Variants in ABLIM1 observed in about 807,000 individuals in gnomAD.
The protein encoded by ABLIM1 is actin-binding LIM protein 1.
Under a neutral mutation model 107.0 loss-of-function variants are expected in ABLIM1, and 40 were observed. That is an observed-to-expected ratio of 0.37 (90% CI 0.29 to 0.49). The LOEUF is 0.49. Ranked by LOEUF, ABLIM1 falls within the 20% of genes least tolerant of loss-of-function variation. The pLI is 0.97. For synonymous variants in ABLIM1, 357 were observed against 357.3 expected (o/e 1.00, Z 0.01); for missense variants, 857 against 1,008.5 (o/e 0.85, Z 2.04).
At chr10:114,676,991 C>T (rs1351473466) in intron 1 of ABLIM1, among the ~76,000 whole-genome samples, 1 of 152,158 alleles carries the variant, frequency 6.6e-6, no homozygotes, top group Admixed American at 6.5e-5. Context: ...CCTGCCTTGG[C>T]CTCCCAAAGT....
chr10:114,481,378 T>C (rs925229091), intron 8 of ABLIM1, among the ~76,000 whole-genome samples: 1 of 150,678 alleles, frequency 6.6e-6, no homozygotes, highest in Non-Finnish European at 1.5e-5. Context: ...ACTACAGGCA[T>C]CTGGCAACTA....
At chr10:114,617,256 CTTTT>C (rs780987027) in intron 1 of ABLIM1, among the ~76,000 whole-genome samples, 1 of 120,464 alleles carries the variant, frequency 8.3e-6, no homozygotes. Flanking sequence ...TCACTACCTA[CTTTT>C]TTTTTTTTTT....
upstream of ABLIM1, among the ~76,000 whole-genome samples, chr10:114,687,883 G>A (rs568144107): frequency 1.3e-5 from 2 of 152,270 alleles, no homozygotes; most frequent in East Asian, 3.9e-4. Context: ...TATCTAGAAA[G>A]GCACAGGAAA....
chr10:114,573,968 TATTAA>T (rs1390542302), intron 3 of ABLIM1, among the ~76,000 whole-genome samples: 1 of 152,224 alleles, frequency 6.6e-6, no homozygotes, highest in Non-Finnish European at 1.5e-5. Context: ...CATCCAGAAT[TATTAA>T]ATTATGATTT....
At chr10:114,633,545 G>A (rs1047521491) in intron 1 of ABLIM1, among the ~76,000 whole-genome samples, 1 of 151,962 alleles carries the variant, frequency 6.6e-6, no homozygotes, top group Non-Finnish European at 1.5e-5. Context: ...ACCACTCCCC[G>A]CACCCATGGC....
At chr10:114,653,416 C>T (rs4606401) in intron 1 of ABLIM1, among the ~76,000 whole-genome samples, 48,100 of 151,888 alleles carry the variant, frequency 0.32, 8,672 homozygotes, top group Non-Finnish European at 0.42. Context: ...TGGTAGCATG[C>T]GCCTGTGGTT....
upstream of ABLIM1, among the ~76,000 whole-genome samples, chr10:114,685,980 A>G (rs2080925153): frequency 1.3e-5 from 2 of 152,226 alleles, 1 homozygote; most frequent in South Asian, 4.1e-4. Context: ...AACCAAGTAC[A>G]GAGCTACAGC....
At chr10:114,437,617 C>T (rs1279437709) in intron 22 of ABLIM1, among the ~76,000 whole-genome samples, 2 of 152,228 alleles carry the variant, frequency 1.3e-5, no homozygotes, top group African/African-American at 2.4e-5. Context: ...CCATGCCCAC[C>T]TCCTGGGTCA....
At chr10:114,542,327 T>A (rs1330626734) in intron 6 of ABLIM1, among the ~76,000 whole-genome samples, 1 of 150,746 alleles carries the variant, frequency 6.6e-6, no homozygotes, top group Non-Finnish European at 1.5e-5. Flanking sequence ...GAAAGATAGC[T>A]TGAGCCCAGG....
intron 4 of ABLIM1, among the ~76,000 whole-genome samples, chr10:114,557,143 C>T (rs748734624): frequency 2.6e-5 from 4 of 152,100 alleles, no homozygotes; most frequent in African/African-American, 9.7e-5. Context: ...CTCAGATTTA[C>T]GAATAATGGC....
intron 3 of ABLIM1, among the ~76,000 whole-genome samples, chr10:114,573,310 A>C (rs1339251919): frequency 1.3e-5 from 2 of 152,240 alleles, no homozygotes; most frequent in Non-Finnish European, 2.9e-5. Flanking sequence ...GGTTCCCTTC[A>C]AAGAATTGCT....
upstream of ABLIM1, among the ~76,000 whole-genome samples, chr10:114,685,755 C>T (rs961126527): frequency 7.2e-5 from 11 of 152,238 alleles, no homozygotes; most frequent in Non-Finnish European, 1.5e-5. Context: ...CTTCTGATTA[C>T]ACCTAATGCC....
intron 2 of ABLIM1, among the ~76,000 whole-genome samples, chr10:114,601,049 T>TACACACAC (rs59709817): frequency 1.5e-4 from 19 of 128,600 alleles, no homozygotes; most frequent in South Asian, 2.8e-4. Flanking sequence ...CACATCTCAA[T>TACACACAC]ACACACACAC....
intron 1 of ABLIM1, among the ~76,000 whole-genome samples, chr10:114,657,180 G>A (rs555502839): frequency 1.8e-4 from 27 of 152,316 alleles, no homozygotes; most frequent in African/African-American, 6.3e-4. Flanking sequence ...GAATGACGAG[G>A]AATGCGTTAT....
chr10:114,656,372 T>C (rs905849921), intron 1 of ABLIM1, among the ~76,000 whole-genome samples: 2 of 148,208 alleles, frequency 1.3e-5, no homozygotes, highest in African/African-American at 5.0e-5. Context: ...TAAAATGGAG[T>C]AACTGCTTTG....
At chr10:114,563,888 C>T (rs1393352885) in intron 4 of ABLIM1, among the ~76,000 whole-genome samples, 3 of 145,470 alleles carry the variant, frequency 2.1e-5, no homozygotes, top group Non-Finnish European at 3.0e-5. Context: ...TAGAACAATG[C>T]CTGGAACACA....
At chr10:114,742,220 T>C (rs751939562) in intron 1 of ABLIM1, among the ~76,000 whole-genome samples, 13 of 152,208 alleles carry the variant, frequency 8.5e-5, no homozygotes, top group Non-Finnish European at 1.2e-4. Context: ...GATTTTGCAT[T>C]ATAAAATAAA....
the ABLIM1 span, among the ~76,000 whole-genome samples, chr10:114,791,529 T>A: frequency 6.6e-6 from 1 of 151,514 alleles, no homozygotes; most frequent in Non-Finnish European, 1.5e-5. Flanking sequence ...TCCCAGCTAC[T>A]CGGGAGGCTG....
intron 1 of ABLIM1, among the ~76,000 whole-genome samples, chr10:114,637,943 G>A (rs2078562248): frequency 6.6e-6 from 1 of 152,208 alleles, no homozygotes; most frequent in South Asian, 2.1e-4. Flanking sequence ...ATATAAAAAT[G>A]GTTGCTTTCT....
Sources: allele counts gnomAD v4.1 joint callset (sites outside exome capture counted in the v4.1 genomes callset), GRCh38; gene constraint gnomAD v4.1.1; transcripts MANE v1.5; gene names NCBI Gene and HGNC (gene_info 2026-07-23, HGNC 2026-07-21).